The following KIR2DL3 variants were observed in gnomAD, a reference collection of about 807,000 sequenced individuals.
KIR2DL3 encodes the protein killer cell immunoglobulin-like receptor 2DL3.
A neutral mutation model predicts 33.8 loss-of-function variants in KIR2DL3; 39 were observed. The ratio of observed to expected loss-of-function variants is 1.15; its 90% confidence interval spans 0.89 to 1.51. KIR2DL3 has a LOEUF of 1.51. Ranked by LOEUF, KIR2DL3 falls within the 40% of genes most tolerant of loss-of-function variation. The probability of loss-of-function intolerance (pLI) is 0.00; values close to 1 mark genes in which losing one functional copy is unlikely to be tolerated. For synonymous variants in KIR2DL3, 174 were observed against 160.2 expected (o/e 1.09, Z -0.65); for missense variants, 462 against 426.2 (o/e 1.08, Z -0.74).
chr19:54,744,822 G>A (rs1449721935), intron 4 of KIR2DL3, among the ~76,000 whole-genome samples: 2 of 144,806 alleles, frequency 1.4e-5, no homozygotes, highest in Non-Finnish European at 3.0e-5. Context: ...ACCACGCCCA[G>A]CCACATTTAC....
chr19:54,741,826 C>T (rs1399559813), intron 2 of KIR2DL3, among the ~76,000 whole-genome samples, 154 bp from the exon 3 acceptor site: 1 of 151,926 alleles, frequency 6.6e-6, no homozygotes, highest in Non-Finnish European at 1.5e-5. Context: ...ATGGAAGGAC[C>T]TGCACCAGGA....
intron 4 of KIR2DL3, among the ~76,000 whole-genome samples, chr19:54,744,719 G>T (rs2071960540): frequency 6.7e-6 from 1 of 150,062 alleles, no homozygotes; most frequent in Non-Finnish European, 1.5e-5. Context: ...TAGAGAGGGG[G>T]TTTCACCATG....
At position 54,752,358 on chromosome 19, in the gene KIR2DL3, T is replaced by A. The variant is rs2073596985; in HGVS notation, c.874-9T>A. 2 of 1,479,162 alleles carry A rather than the reference T, an allele frequency of 1.4e-6. No individual in the cohort carries two copies. The highest frequency in any genetic ancestry group is 1.8e-6 in the Non-Finnish European group (2 of 1,084,676). The allele number at this position is 1,479,162 out of a possible 1,614,324, so 91.6% of individuals were successfully genotyped here. ...CACCCTCCCTCACTCAGCATTTCCCTCTCTCCAGGACTCTGATGAACAAGA... is the reference window on the plus strand; with the variant it reads ...CACCCTCCCTCACTCAGCATTTCCCACTCTCCAGGACTCTGATGAACAAGA... On this transcript the variant is annotated splice_polypyrimidine_tract_variant and intron_variant, in intron 7 of 7. Coordinates refer to ENST00000342376, the MANE Select transcript of KIR2DL3 (RefSeq NM_015868.3).
intron 2 of KIR2DL3, among the ~76,000 whole-genome samples, chr19:54,741,730 A>G (rs553561038): frequency 6.6e-6 from 1 of 151,494 alleles, no homozygotes; most frequent in East Asian, 1.9e-4. Context: ...AATAGATACA[A>G]CACCCCAAGA....
intron 2 of KIR2DL3, among the ~76,000 whole-genome samples, chr19:54,740,011 G>A (rs2070719608): frequency 6.6e-6 from 1 of 151,834 alleles, no homozygotes. Flanking sequence ...TCTACCCTGT[G>A]TTGTTTTATG....
rs1237329123 is a variant in KIR2DL3 at position 54,743,977 on chromosome 19, T to C, written c.553T>C (p.Phe185Leu). The C allele has an allele frequency of 2.0e-5, 33 of 1,614,120 alleles. No individual in the cohort carries two copies. Among genetic ancestry groups the C allele is most frequent in the Non-Finnish European group, 2.5e-5 (30 of 1,180,056 alleles). The change falls in exon 4 of 8, where the codon TTT (phenylalanine) becomes CTT (leucine). Residue 185 changes from phenylalanine (F) to leucine (L), a missense_variant. Transcript: ENST00000342376. ...PKVNGTFQAD[F>L]PLGPATHGGT... ...GGTCAACGGAACATTCCAGGCCGAC[T>C]TTCCTCTGGGCCCTGCCACCCACGG...
rs368853995 is a variant in KIR2DL3 at position 54,743,573 on chromosome 19, A to C, written c.371-222A>C. On this transcript the variant is annotated intron_variant, in intron 3 of 7. Coordinates refer to ENST00000342376, the MANE Select transcript of KIR2DL3 (RefSeq NM_015868.3). ...GAGTCAGAGAGAATAAAAGAATCCAAAAAGGGAAAACATATCTAGAGGTGG... is the reference window on the plus strand; with the variant it reads ...GAGTCAGAGAGAATAAAAGAATCCACAAAGGGAAAACATATCTAGAGGTGG... Among the ~76,000 whole-genome samples, 77 of 152,312 alleles carry C rather than the reference A, an allele frequency of 5.1e-4. No individual in the cohort carries two copies. In the East Asian group the frequency reaches 0.013, roughly 25 times the overall value.
At chr19:54,739,930 G>A (rs2070700312) in intron 2 of KIR2DL3, among the ~76,000 whole-genome samples, 1 of 152,188 alleles carries the variant, frequency 6.6e-6, no homozygotes, top group Non-Finnish European at 1.5e-5. Flanking sequence ...CTCTGATGGG[G>A]GCTCAGTTGT....
Position 54,751,821 on chromosome 19 carries a change from G to T in KIR2DL3, c.820+68G>T. 9 of 1,246,190 alleles carry T rather than the reference G, an allele frequency of 7.2e-6. 1 individual carries two copies. The highest frequency in any genetic ancestry group is 1.0e-5 in the Non-Finnish European group (9 of 889,144). 77.2% of individuals were successfully genotyped at this position (1,246,190 alleles called of 1,614,324 possible). A position where few individuals can be genotyped will look rare whatever the true frequency, so the allele number is the denominator to read the frequency against. ...GGGGAAGCAGGATGGGAGCACTCAG[G>T]TGTGTGTTCCTCACAGACAGGATGG... On this transcript the variant is annotated intron_variant, in intron 6 of 7. Coordinates refer to ENST00000342376, the MANE Select transcript of KIR2DL3 (RefSeq NM_015868.3).
chr19:54,742,597 A>T, intron 3 of KIR2DL3, among the ~76,000 whole-genome samples: 1 of 151,930 alleles, frequency 6.6e-6, no homozygotes, highest in East Asian at 1.9e-4. Flanking sequence ...ACAGGTTAGA[A>T]GTTTCATTTC....
chr19:54,742,519 G>GAGAC (rs1243647930), intron 3 of KIR2DL3, among the ~76,000 whole-genome samples: 1 of 152,072 alleles, frequency 6.6e-6, no homozygotes, highest in Non-Finnish European at 1.5e-5. Flanking sequence ...AGAGTTAAAA[G>GAGAC]AGACAGACAG....
intron 4 of KIR2DL3, among the ~76,000 whole-genome samples, chr19:54,745,148 T>C (rs767927959): frequency 6.5e-4 from 98 of 151,662 alleles, no homozygotes; most frequent in Non-Finnish European, 1.2e-3. Context: ...TATGGATGAG[T>C]AGTCTCCACT....
intron 3 of KIR2DL3, among the ~76,000 whole-genome samples, chr19:54,742,986 A>T (rs1450090475): frequency 6.6e-6 from 1 of 152,066 alleles, no homozygotes; most frequent in Non-Finnish European, 1.5e-5. Context: ...GAGAGAAAAG[A>T]GGGCAGAGGA....
In KIR2DL3 at chr19:54,752,518, G is replaced by A; in HGVS notation, c.1025G>A (p.Ter342=). ...VYTELPNAEP[*] ...ACGGAACTTCCAAATGCTGAGCCCT[G>A]ATCCAAAGTTGTCTCCTGCCCATGA... is the stretch of plus-strand genomic sequence containing the variant. Residue 342 remains the stop codon, a stop_retained_variant, in exon 8 of 8, where the codon TGA becomes TAA. Coordinates refer to ENST00000342376, the MANE Select transcript of KIR2DL3 (RefSeq NM_015868.3). The A allele has an allele frequency of 1.4e-6, 2 of 1,463,442 alleles. 1 individual carries two copies. Among genetic ancestry groups the A allele is most frequent in the Middle Eastern group, 3.9e-4 (2 of 5,150 alleles). The allele number at this position is 1,463,442 out of a possible 1,614,324, so 90.7% of individuals were successfully genotyped here.
intron 5 of KIR2DL3, among the ~76,000 whole-genome samples, chr19:54,749,344 C>A (rs200716266): frequency 2.1e-5 from 3 of 140,340 alleles, no homozygotes; most frequent in African/African-American, 5.2e-5. Context: ...TCTAGGAGAC[C>A]GTGGAAAAGG....
intron 1 of KIR2DL3, 53 bp downstream of exon 1, chr19:54,738,632 C>T (rs1439948470): frequency 2.5e-5 from 40 of 1,612,998 alleles, no homozygotes; most frequent in Non-Finnish European, 3.4e-5. Flanking sequence ...AGATCGGGGC[C>T]CAGAGTTGGA....
chr19:54,750,141 T>C (rs1186116476), intron 5 of KIR2DL3, among the ~76,000 whole-genome samples: 1 of 133,146 alleles, frequency 7.5e-6, no homozygotes, highest in Admixed American at 7.8e-5. Flanking sequence ...GAAAGTGCTC[T>C]GTTCATCGCA....
In KIR2DL3 at chr19:54,744,104, A is replaced by T; in HGVS notation, c.664+16A>T. 6.2e-7 allele frequency: 1 copy of T among 1,613,590 alleles called. No homozygotes were observed. The highest frequency in any genetic ancestry group is 8.5e-7 in the Non-Finnish European group (1 of 1,179,802). The stretch of plus-strand genomic sequence containing the variant: ...TCTGTCACAGGTGAGGAAACCCCAT[A>T]TCTGTCTCATGTCCTATGATCCTAG... On this transcript the variant is annotated intron_variant, in intron 4 of 7. Transcript: ENST00000342376.
chr19:54,740,600 C>A (rs1372304296), intron 2 of KIR2DL3, among the ~76,000 whole-genome samples: 1 of 151,490 alleles, frequency 6.6e-6, no homozygotes, highest in East Asian at 1.9e-4. Context: ...TCCTGAATCC[C>A]AGAGCTTCTG....
Sources: gnomAD v4.1 joint callset for allele counts (sites outside exome capture counted in the v4.1 genomes callset) on GRCh38, gnomAD v4.1.1 for gene constraint, MANE v1.5 for transcripts, NCBI Gene and HGNC (gene_info 2026-07-23, HGNC 2026-07-21) for gene names.